The following KTN1 variants were observed in gnomAD, a reference collection of about 807,000 sequenced individuals.
KTN1 encodes the protein kinectin 1.
In KTN1, 130 loss-of-function variants were observed where a neutral mutation model predicts 222.5. The ratio of observed to expected loss-of-function variants is 0.58; its 90% confidence interval spans 0.51 to 0.68. The LOEUF (loss-of-function observed/expected upper bound fraction) is 0.68. Among genes scored for constraint, KTN1 ranks in the 30% least tolerant of loss-of-function variants. The probability of loss-of-function intolerance (pLI) is 0.00; values close to 1 mark genes in which losing one functional copy is unlikely to be tolerated. For synonymous variants in KTN1, 512 were observed against 496.3 expected (o/e 1.03, Z -0.42); for missense variants, 1,508 against 1,500.4 (o/e 1.01, Z -0.08).
intron 1 of KTN1, among the ~76,000 whole-genome samples, chr14:55,594,200 GCTTA>G (rs1422462999): frequency 4.6e-5 from 7 of 150,878 alleles, no homozygotes; most frequent in Admixed American, 4.0e-4. Flanking sequence ...CCTATCTTAG[GCTTA>G]CTTGTTTTTT....
chr14:55,672,429 A>G, intron 37 of KTN1: 1 of 474,892 alleles, frequency 2.1e-6, no homozygotes, highest in East Asian at 3.5e-5. Flanking sequence ...CGAGCCTAAT[A>G]TACAAATGGA....
intron 2 of KTN1, among the ~76,000 whole-genome samples, chr14:55,613,133 G>A (rs2037836393): frequency 6.6e-6 from 1 of 152,190 alleles, no homozygotes. Context: ...TAGGGCTACA[G>A]AGATGAATAG....
rs1595006814 is a variant in KTN1, at chr14:55,637,420, C to A, written c.1716+56C>A. The stretch of plus-strand genomic sequence containing the variant: ...AAATACAGGTGGTCACTTATTAGAT[C>A]TGTGTGTCTAGAAGAGAGACTAAAG... On this transcript the variant is annotated intron_variant, in intron 11 of 43. Transcript: ENST00000395314. 2.5e-5 allele frequency: 31 copies of A among 1,223,484 alleles called. No homozygotes were observed. The East Asian group carries it at 7.8e-4, about 31-fold the overall frequency. 75.8% of individuals were successfully genotyped at this position (1,223,484 alleles called of 1,614,324 possible).
At chr14:55,673,349 A>G in intron 40 of KTN1, 94 bp downstream of exon 40, 1 of 719,418 alleles carries the variant, frequency 1.4e-6, no homozygotes, top group Non-Finnish European at 2.4e-6. Context: ...TTCTTTGCTA[A>G]CATCTTTAGC....
At chr14:55,673,313 T>C in intron 40 of KTN1, 58 bp downstream of exon 40, 1 of 1,126,118 alleles carries the variant, frequency 8.9e-7, no homozygotes. Context: ...TTTATTGACA[T>C]GTGGAGAAAC....
In KTN1 at chr14:55,659,905, G is replaced by A. The variant is rs550698862; in HGVS notation, c.2999+202G>A. Among the ~76,000 whole-genome samples, 5 of 152,236 alleles carry A rather than the reference G, an allele frequency of 3.3e-5. No individual in the cohort carries two copies. In the East Asian group the frequency reaches 9.6e-4, roughly 29 times the overall value. ...TATGGTATTTGGATTTGAATATTTT[G>A]TTGAGGGAGATGTTTGTTTTTGTTT... is the stretch of plus-strand genomic sequence containing the variant. On this transcript the variant is annotated intron_variant, in intron 31 of 43. Transcript: ENST00000395314.
At position 55,678,386 on chromosome 14, in the gene KTN1, T is replaced by C; in HGVS notation, c.3890T>C (p.Ile1297Thr). ...QQSLELIQSK[I>T]VKAAGDTTVI... ...TCACTGGAGCTTATCCAGTCAAAAA[T>C]AGTAAAAGCTGCTGGAGACACTACT... is the stretch of plus-strand genomic sequence containing the variant. Residue 1297 changes from isoleucine to threonine, a missense_variant, in exon 42 of 44, where the codon ATA becomes ACA. Physicochemically the swap from Ile to Thr is moderately conservative, Grantham distance 89 (BLOSUM62 -1). Transcript: ENST00000395314. 1 of 1,612,652 alleles carries C rather than the reference T, an allele frequency of 6.2e-7. No individual in the cohort carries two copies. Among genetic ancestry groups the C allele is most frequent in the Non-Finnish European group, 8.5e-7 (1 of 1,178,692 alleles).
At chr14:55,658,463 A>G in intron 29 of KTN1, 83 bp from the exon 30 acceptor site, 2 of 804,504 alleles carry the variant, frequency 2.5e-6, no homozygotes, top group South Asian at 3.0e-5. Flanking sequence ...TCTAGCTTGT[A>G]TGATCTGTTT....
At chr14:55,608,790 C>A (rs879441970) in intron 1 of KTN1, among the ~76,000 whole-genome samples, 1 of 151,748 alleles carries the variant, frequency 6.6e-6, no homozygotes, top group African/African-American at 2.4e-5. Flanking sequence ...CCACCACGCC[C>A]GGCTGATTTT....
rs977767929 is a variant in KTN1 at position 55,656,059 on chromosome 14, ATGAAT to A, written c.2824_2828del (p.Leu942GlufsTer12). The A allele has an allele frequency of 3.7e-6, 6 of 1,603,660 alleles. No individual in the cohort carries two copies. Among genetic ancestry groups the A allele is most frequent in the African/African-American group, 1.3e-5 (1 of 74,530 alleles). The stretch of plus-strand genomic sequence containing the variant: ...AATTCTAGGTTGAAAGAAAAGGAAA[ATGAAT>A]TGAAGAGGTTAGAAGCCATGCTAAA... On this transcript the variant is annotated frameshift_variant, in exon 29 of 44. Coordinates refer to ENST00000395314, the MANE Select transcript of KTN1 (RefSeq NM_001079521.2). LOFTEE classifies it high-confidence loss of function.
chr14:55,644,560 CTTTT>C (rs34100965), intron 18 of KTN1: 4,507 of 316,340 alleles, frequency 0.014, no homozygotes, highest in Middle Eastern at 0.023. Context: ...CAGAATAAGA[CTTTT>C]TTTTTTTTTT....
intron 25 of KTN1, among the ~76,000 whole-genome samples, chr14:55,652,593 G>C (rs1390515546): frequency 6.6e-6 from 1 of 151,960 alleles, no homozygotes; most frequent in Non-Finnish European, 1.5e-5. Context: ...TAGAGACGGG[G>C]TTTCACCGTG....
intron 36 of KTN1, 45 bp from the exon 37 acceptor site, chr14:55,671,740 C>A: frequency 1.3e-6 from 2 of 1,531,464 alleles, no homozygotes; most frequent in Non-Finnish European, 1.8e-6. Flanking sequence ...TTTATCTTGG[C>A]ATTAGAACAT....
chr14:55,661,415 A>C, intron 31 of KTN1, 107 bp from the exon 32 acceptor site: 1 of 638,432 alleles, frequency 1.6e-6, no homozygotes. Flanking sequence ...TCAAGGTGCT[A>C]TCTCTTGATA....
At chr14:55,672,098 A>G in intron 37 of KTN1, 1 of 467,106 alleles carries the variant, frequency 2.1e-6, no homozygotes, top group Non-Finnish European at 3.8e-6. Flanking sequence ...CTAAAGGGTA[A>G]TCATATAGAA....
chr14:55,675,319 A>G (rs181514111), intron 40 of KTN1: 226 of 153,046 alleles, frequency 1.5e-3, no homozygotes, highest in Middle Eastern at 0.01. Flanking sequence ...TGATGGTATA[A>G]TACAGGCCAG....
intron 1 of KTN1, among the ~76,000 whole-genome samples, chr14:55,582,390 T>A (rs909189279): frequency 1.3e-5 from 2 of 152,310 alleles, no homozygotes; most frequent in South Asian, 4.1e-4. Flanking sequence ...TCAGTCAATA[T>A]GGCTTTTTAA....
chr14:55,658,077 A>C (rs1159853315), intron 29 of KTN1, among the ~76,000 whole-genome samples: 1 of 152,194 alleles, frequency 6.6e-6, no homozygotes, highest in Non-Finnish European at 1.5e-5. Flanking sequence ...CCATCATAAC[A>C]GTAGTAATTC....
At chr14:55,590,033 C>G (rs925255036) in intron 1 of KTN1, among the ~76,000 whole-genome samples, 1 of 152,072 alleles carries the variant, frequency 6.6e-6, no homozygotes, top group Non-Finnish European at 1.5e-5. Context: ...ACATACAAAC[C>G]TAGATATTTT....
Sources: allele counts gnomAD v4.1 joint callset (sites outside exome capture counted in the v4.1 genomes callset), GRCh38; gene constraint gnomAD v4.1.1; transcripts MANE v1.5; gene names NCBI Gene and HGNC (gene_info 2026-07-23, HGNC 2026-07-21).